Variants in ZC3HAV1 observed in about 807,000 individuals in gnomAD.
ZC3HAV1 encodes zinc finger CCCH-type containing, antiviral 1.
ZC3HAV1 carries 41 observed loss-of-function variants against 86.6 expected under a neutral mutation model. The observed-to-expected ratio is 0.47, with a 90% confidence interval of 0.37 to 0.61. The LOEUF (loss-of-function observed/expected upper bound fraction) is 0.61. Ranked by LOEUF, ZC3HAV1 falls within the 20% of genes least tolerant of loss-of-function variation. The pLI, the probability that ZC3HAV1 is intolerant of heterozygous loss-of-function variation, is 0.00. For synonymous variants in ZC3HAV1, 421 were observed against 432.1 expected (o/e 0.97, Z 0.32); for missense variants, 964 against 1,141.1 (o/e 0.84, Z 2.24).
chr7:139,083,432 A>G (rs1240241864), intron 3 of ZC3HAV1, among the ~76,000 whole-genome samples: 1 of 152,148 alleles, frequency 6.6e-6, no homozygotes, highest in Non-Finnish European at 1.5e-5. Flanking sequence ...TGCTGATTTG[A>G]AAGTTCACAC....
rs34732980 is a variant in ZC3HAV1, at chr7:139,083,726, C to CAAA, written c.697+51_697+53dup. On this transcript the variant is annotated intron_variant, in intron 3 of 12. Coordinates refer to ENST00000242351, the MANE Select transcript of ZC3HAV1 (RefSeq NM_020119.4). ...TGGGTGACAGAGAGAGACTCTGTCT[C>CAAA]AAAAAAAAAAAAAAAAAAAGAGTTC... 3.6e-4 allele frequency: 474 copies of CAAA among 1,328,806 alleles called. 2 individuals are homozygous for CAAA. The highest frequency in any genetic ancestry group is 2.3e-3 in the African/African-American group (114 of 50,218). 82.3% of individuals were successfully genotyped at this position (1,328,806 alleles called of 1,614,324 possible).
At chr7:139,082,895 C>T (rs1467429778) in intron 3 of ZC3HAV1, among the ~76,000 whole-genome samples, 1 of 151,642 alleles carries the variant, frequency 6.6e-6, no homozygotes, top group Non-Finnish European at 1.5e-5. Context: ...AAAGAAATGG[C>T]ACTGAGGACC....
intron 2 of ZC3HAV1, among the ~76,000 whole-genome samples, chr7:139,085,487 G>T (rs1817247170): frequency 6.6e-6 from 1 of 152,200 alleles, no homozygotes. Context: ...TGAGTGTGTG[G>T]CTTCCCACTG....
In ZC3HAV1 at chr7:139,078,627, TG is replaced by T; in HGVS notation, c.1497del (p.Thr500HisfsTer70). 6.3e-7 allele frequency: 1 copy of T among 1,580,000 alleles called. No individual in the cohort carries two copies. Among genetic ancestry groups the T allele is most frequent in the African/African-American group, 1.4e-5 (1 of 72,430 alleles). Reference sequence around the variant, plus strand: ...TCATGATCATCCACCCTAGAAGATGTGGTACTTGTGACATCAGATAAAGAAT... The same window carrying T: ...TCATGATCATCCACCCTAGAAGATGTGTACTTGTGACATCAGATAAAGAAT... Reference protein sequence around the residue: ...VNDSLSDVTSTTSSRVDDHDS... With the variant: ...VNDSLSDVTSXTSSRVDDHDS... On this transcript the variant is annotated frameshift_variant, in exon 5 of 13. Coordinates refer to ENST00000242351, the MANE Select transcript of ZC3HAV1 (RefSeq NM_020119.4). LOFTEE classifies it high-confidence loss of function.
chr7:139,075,098 T>C (rs1258935540), intron 6 of ZC3HAV1, among the ~76,000 whole-genome samples: 1 of 152,030 alleles, frequency 6.6e-6, no homozygotes, highest in Non-Finnish European at 1.5e-5. Context: ...CTTCCTGTCA[T>C]CTGTGGATTG....
At chr7:139,101,465 G>T (rs1370875581) in intron 1 of ZC3HAV1, among the ~76,000 whole-genome samples, 1 of 111,670 alleles carries the variant, frequency 9.0e-6, no homozygotes. Flanking sequence ...GCCCCGTCTG[G>T]GATGTGAGGA....
At chr7:139,101,509 G>A (rs1817769705) in intron 1 of ZC3HAV1, among the ~76,000 whole-genome samples, 1 of 104,168 alleles carries the variant, frequency 9.6e-6, no homozygotes, top group Non-Finnish European at 1.9e-5. Flanking sequence ...CGTCTGGGAG[G>A]TGTACCCAAC....
At chr7:139,070,817 CT>C (rs1185883784) in intron 7 of ZC3HAV1, among the ~76,000 whole-genome samples, 1 of 151,874 alleles carries the variant, frequency 6.6e-6, no homozygotes, top group East Asian at 1.9e-4. Flanking sequence ...CCCGTCTCAA[CT>C]AAAAATACAA....
intron 3 of ZC3HAV1, among the ~76,000 whole-genome samples, chr7:139,081,089 GAGGA>G (rs1303702036): frequency 6.6e-6 from 1 of 152,184 alleles, no homozygotes; most frequent in Non-Finnish European, 1.5e-5. Flanking sequence ...TGGAAGCAGG[GAGGA>G]AGGAAGGAGT....
At chr7:139,086,520 C>A (rs1817277285) in intron 2 of ZC3HAV1, among the ~76,000 whole-genome samples, 1 of 151,956 alleles carries the variant, frequency 6.6e-6, no homozygotes, top group African/African-American at 2.4e-5. Flanking sequence ...CTATAGGGAC[C>A]CTCACAGCAC....
At chr7:139,076,200 T>G in intron 6 of ZC3HAV1, 86 bp downstream of exon 6, 1 of 1,565,382 alleles carries the variant, frequency 6.4e-7, no homozygotes, top group Non-Finnish European at 8.7e-7. Flanking sequence ...GAAAAGTGTT[T>G]TTTTCTTTTT....
chr7:139,101,503 T>A (rs868317413), intron 1 of ZC3HAV1, among the ~76,000 whole-genome samples: 1 of 100,894 alleles, frequency 9.9e-6, no homozygotes, highest in African/African-American at 4.0e-5. Context: ...CCACCCCGTC[T>A]GGGAGGTGTA....
chr7:139,100,888 G>A (rs908892714), intron 1 of ZC3HAV1, among the ~76,000 whole-genome samples: 8 of 148,940 alleles, frequency 5.4e-5, no homozygotes, highest in Non-Finnish European at 8.9e-5. Context: ...TCCCTCTGAT[G>A]CGGAGCCGAG....
chr7:139,095,707 T>C (rs973727162), intron 1 of ZC3HAV1, among the ~76,000 whole-genome samples: 2 of 152,126 alleles, frequency 1.3e-5, no homozygotes, highest in African/African-American at 4.8e-5. Flanking sequence ...GCCACCAAAA[T>C]ATCATCTTTC....
chr7:139,100,341 C>A (rs768555836), intron 1 of ZC3HAV1, among the ~76,000 whole-genome samples: 28 of 151,370 alleles, frequency 1.8e-4, no homozygotes, highest in Non-Finnish European at 4.0e-4. Flanking sequence ...ACCACCCTAG[C>A]GAACATGGTG....
chr7:139,064,210 T>C (rs544192179), intron 8 of ZC3HAV1, among the ~76,000 whole-genome samples: 55 of 152,276 alleles, frequency 3.6e-4, no homozygotes, highest in African/African-American at 1.3e-3. Flanking sequence ...TCAGAAAGGC[T>C]CCTTTACCTC....
chr7:139,071,920 C>T (rs1428800454), intron 7 of ZC3HAV1, among the ~76,000 whole-genome samples: 1 of 152,238 alleles, frequency 6.6e-6, no homozygotes, highest in African/African-American at 2.4e-5. Context: ...GACCTCACCA[C>T]AGCACACAGG....
intron 1 of ZC3HAV1, among the ~76,000 whole-genome samples, chr7:139,106,901 GAAAC>G (rs2130744588): frequency 7.5e-6 from 1 of 133,054 alleles, no homozygotes; most frequent in East Asian, 1.9e-4. Context: ...GAGAATAAAT[GAAAC>G]AAAACTGGCC....
In ZC3HAV1 at chr7:139,047,631, A is replaced by G; in HGVS notation, c.2672T>C (p.Ile891Thr). The G allele has an allele frequency of 6.2e-7, 1 of 1,614,146 alleles. No individual in the cohort carries two copies. Among genetic ancestry groups the G allele is most frequent in the Non-Finnish European group, 8.5e-7 (1 of 1,180,036 alleles). ...QKDQVYPQYV[I>T]EYTEDKACVI... ...GCAGGCTTTGTCTTCAGTATATTCA[A>G]TCACATATTGTGGGTAAACCTGATC... Residue 891 changes from isoleucine to threonine, a missense_variant, in exon 13 of 13, where the codon ATT becomes ACT. Transcript: ENST00000242351.
Sources: allele counts gnomAD v4.1 joint callset (sites outside exome capture counted in the v4.1 genomes callset), GRCh38; gene constraint gnomAD v4.1.1; transcripts MANE v1.5; gene names NCBI Gene and HGNC (gene_info 2026-07-23, HGNC 2026-07-21).